SEMA6D: variants seen among roughly 807,000 people sequenced by gnomAD.
SEMA6D encodes semaphorin 6D, also known as semaphorin-6D.
SEMA6D carries 35 observed loss-of-function variants against 106.6 expected under a neutral mutation model. The observed-to-expected ratio is 0.33, with a 90% CI of 0.25 to 0.44. The LOEUF is 0.44. Among genes scored for constraint, SEMA6D ranks in the 20% least tolerant of loss-of-function variants. SEMA6D has a pLI of 1.00. For missense variants in SEMA6D, 1,185 were observed against 1,345.9 expected (o/e 0.88, Z 1.87); for synonymous variants, 499 against 487.7 (o/e 1.02, Z -0.31).
Position 47,345,051 on chromosome 15 carries a change from A to G in SEMA6D, c.-238-67342A>G, listed in dbSNP as rs187707594. On this transcript the variant is annotated intron_variant, in intron 1 of 19. Transcript: ENST00000558014. Reference sequence around the variant, plus strand: ...TTCAGTTGGCTGATAAAAACTACAAAATATTGCTAAAGGAAATTAAAGAAG... The same window carrying G: ...TTCAGTTGGCTGATAAAAACTACAAGATATTGCTAAAGGAAATTAAAGAAG... 1.3e-3 allele frequency among the ~76,000 whole-genome samples: 203 copies of G among 152,300 alleles called. 1 individual carries two copies. Among genetic ancestry groups the G allele is most frequent in the African/African-American group, 4.6e-3 (191 of 41,584 alleles).
intron 1 of SEMA6D, among the ~76,000 whole-genome samples, chr15:47,400,605 A>C (rs1442689135): frequency 6.6e-6 from 1 of 152,210 alleles, no homozygotes; most frequent in East Asian, 1.9e-4. Flanking sequence ...GACCTAATAC[A>C]AAGTGAGAGA....
In SEMA6D at chr15:47,594,872, A is replaced by G. The variant is rs528390270; in HGVS notation, c.-86-5993A>G. On this transcript the variant is annotated intron_variant, in intron 3 of 19. Transcript: ENST00000558014. ...TTTGTCAGGTGAAAAGGTTGGAAGA[A>G]TGGTGTCTGAGGGCATGTGTGTATC... 2.0e-5 allele frequency among the ~76,000 whole-genome samples: 3 copies of G among 152,242 alleles called. No individual in the cohort carries two copies. The South Asian group carries it at 6.2e-4, about 32-fold the overall frequency.
chr15:47,515,919 G>A (rs970232501), intron 3 of SEMA6D, among the ~76,000 whole-genome samples: 6 of 152,170 alleles, frequency 3.9e-5, no homozygotes, highest in Non-Finnish European at 7.4e-5. Flanking sequence ...TCACTATGCA[G>A]TCATTCTCCC....
At chr15:47,474,458 A>G (rs2042946085) in intron 3 of SEMA6D, among the ~76,000 whole-genome samples, 1 of 152,216 alleles carries the variant, frequency 6.6e-6, no homozygotes, top group South Asian at 2.1e-4. Flanking sequence ...CTTATTGCAC[A>G]AAGGGTATGT....
At chr15:47,359,309 ATAAT>A (rs937941391) in intron 1 of SEMA6D, 1 of 152,190 alleles carries the variant, frequency 6.6e-6, no homozygotes, top group African/African-American at 2.4e-5. Context: ...TTGGTCTTAA[ATAAT>A]TAATTTTTAC....
At chr15:47,709,124 T>A (rs1422860415) in intron 4 of SEMA6D, among the ~76,000 whole-genome samples, 3 of 151,792 alleles carry the variant, frequency 2.0e-5, no homozygotes, top group Non-Finnish European at 2.9e-5. Flanking sequence ...GGGAAGAGAG[T>A]GGGTGGTGAT....
At chr15:47,497,164 CT>C (rs988383600) in intron 3 of SEMA6D, among the ~76,000 whole-genome samples, 3 of 151,962 alleles carry the variant, frequency 2.0e-5, no homozygotes, top group African/African-American at 7.2e-5. Context: ...AAACATTCCT[CT>C]TTGTTGCCAG....
At chr15:47,553,887 A>G (rs1566884389) in intron 3 of SEMA6D, among the ~76,000 whole-genome samples, 1 of 152,230 alleles carries the variant, frequency 6.6e-6, no homozygotes, top group Non-Finnish European at 1.5e-5. Flanking sequence ...GGGAAAAACT[A>G]TCCCAAGAGC....
At chr15:47,747,126 G>A (rs1392589649) in intron 1 of SEMA6D, among the ~76,000 whole-genome samples, 3 of 151,848 alleles carry the variant, frequency 2.0e-5, no homozygotes, top group Non-Finnish European at 4.4e-5. Flanking sequence ...TACATATCAG[G>A]CTCATATTCT....
Position 47,226,650 on chromosome 15 carries a change from A to G in SEMA6D, c.-239+42232A>G, listed in dbSNP as rs971694667. On this transcript the variant is annotated intron_variant, in intron 1 of 19. Coordinates refer to the SEMA6D transcript ENST00000558014. Reference sequence around the variant, plus strand: ...TCTGTATAGACACTGATTGGAAGGTACCAATCACTGATAAGATAGCAGGAG... The same window carrying G: ...TCTGTATAGACACTGATTGGAAGGTGCCAATCACTGATAAGATAGCAGGAG... Among the ~76,000 whole-genome samples the G allele has an allele frequency of 4.6e-5, 7 of 152,250 alleles. No individual in the cohort carries two copies. In the South Asian group the frequency reaches 6.2e-4, roughly 14 times the overall value.
At chr15:47,740,246 C>T (rs866552725) in intron 1 of SEMA6D, among the ~76,000 whole-genome samples, 4 of 152,078 alleles carry the variant, frequency 2.6e-5, no homozygotes, top group African/African-American at 7.2e-5. Context: ...CATGGCCGGG[C>T]GTGGTGACTC....
chr15:47,469,806 A>G (rs1236291113), intron 2 of SEMA6D, among the ~76,000 whole-genome samples: 1 of 152,124 alleles, frequency 6.6e-6, no homozygotes, highest in Non-Finnish European at 1.5e-5. Context: ...GATCTTTTGT[A>G]TGTTGATATA....
At chr15:47,566,689 A>G (rs1448245395) in intron 3 of SEMA6D, among the ~76,000 whole-genome samples, 2 of 152,264 alleles carry the variant, frequency 1.3e-5, no homozygotes, top group Non-Finnish European at 2.9e-5. Flanking sequence ...TGAGCAAGTC[A>G]TTTAACCGTC....
At chr15:47,489,670 G>A (rs1286570931) in intron 3 of SEMA6D, among the ~76,000 whole-genome samples, 1 of 144,646 alleles carries the variant, frequency 6.9e-6, no homozygotes, top group East Asian at 2.0e-4. Flanking sequence ...TTTTTTTTTT[G>A]AGACGGAGTC....
intron 2 of SEMA6D, among the ~76,000 whole-genome samples, chr15:47,442,144 A>T (rs1315517583): frequency 6.6e-6 from 1 of 152,152 alleles, no homozygotes. Flanking sequence ...TTCACAATAC[A>T]TTGACAATAT....
chr15:47,489,844 G>T (rs974659017), intron 3 of SEMA6D, among the ~76,000 whole-genome samples: 1 of 151,974 alleles, frequency 6.6e-6, no homozygotes, highest in African/African-American at 2.4e-5. Flanking sequence ...TAGAGATAGG[G>T]TTTCATCACG....
intron 2 of SEMA6D, among the ~76,000 whole-genome samples, chr15:47,446,429 A>G (rs1206416546): frequency 2.0e-5 from 3 of 152,136 alleles, no homozygotes; most frequent in East Asian, 1.9e-4. Context: ...AATTGTATGC[A>G]TACACTATAT....
intron 2 of SEMA6D, among the ~76,000 whole-genome samples, chr15:47,422,200 T>G (rs60073955): frequency 1.5e-4 from 22 of 145,624 alleles, no homozygotes; most frequent in African/African-American, 4.3e-4. Flanking sequence ...CTTCCTTCCT[T>G]CCTTCCTTCC....
intron 1 of SEMA6D, among the ~76,000 whole-genome samples, chr15:47,346,606 C>G (rs2038057090): frequency 6.6e-6 from 1 of 152,094 alleles, no homozygotes; most frequent in South Asian, 2.1e-4. Context: ...AATTTAGAAA[C>G]AGAATGATTA....
Sources: allele counts gnomAD v4.1 joint callset (sites outside exome capture counted in the v4.1 genomes callset), GRCh38; gene constraint gnomAD v4.1.1; transcripts MANE v1.5; gene names NCBI Gene and HGNC (gene_info 2026-07-23, HGNC 2026-07-21).